The following NRXN1 variants were observed in gnomAD, a reference collection of about 807,000 sequenced individuals.
NRXN1 encodes the protein neurexin 1.
A neutral mutation model predicts 150.9 loss-of-function variants in NRXN1; 39 were observed. The observed-to-expected ratio is 0.26, with a 90% CI of 0.20 to 0.34. The LOEUF (loss-of-function observed/expected upper bound fraction) is 0.34, where lower values mean the gene tolerates loss of function less well. Among genes scored for constraint, NRXN1 ranks in the 10% least tolerant of loss-of-function variants. The pLI is 1.00. For missense variants in NRXN1, 1,815 were observed against 1,949.9 expected, an observed-to-expected ratio of 0.93 and a Z score of 1.30; for synonymous variants, 924 against 757.0, an observed-to-expected ratio of 1.22 and a Z score of -3.62.
intron 21 of NRXN1, among the ~76,000 whole-genome samples, chr2:50,008,623 G>A (rs951267982): frequency 6.6e-6 from 1 of 151,906 alleles, no homozygotes; most frequent in Non-Finnish European, 1.5e-5. Flanking sequence ...TGAACACTAT[G>A]TAAGATATGC....
intron 5 of NRXN1, among the ~76,000 whole-genome samples, chr2:50,745,765 A>G (rs1279682832): frequency 6.6e-6 from 1 of 152,110 alleles, no homozygotes; most frequent in Non-Finnish European, 1.5e-5. Flanking sequence ...TTGTAAAATC[A>G]TCAGATCTCA....
At chr2:50,578,934 C>A (rs1467687595) in intron 8 of NRXN1, among the ~76,000 whole-genome samples, 3 of 152,092 alleles carry the variant, frequency 2.0e-5, no homozygotes, top group Non-Finnish European at 2.9e-5. Context: ...ACACTGAGGG[C>A]ATCTGGGGTT....
chr2:50,343,895 A>G (rs1462306949), intron 17 of NRXN1, among the ~76,000 whole-genome samples: 2 of 152,262 alleles, frequency 1.3e-5, no homozygotes, highest in East Asian at 3.8e-4. Flanking sequence ...TAATACAACC[A>G]AACAGCCTAG....
At chr2:50,788,589 G>A (rs538451335) in intron 5 of NRXN1, among the ~76,000 whole-genome samples, 17 of 152,048 alleles carry the variant, frequency 1.1e-4, no homozygotes, top group South Asian at 8.3e-4. Flanking sequence ...GTGCATGTGC[G>A]TGTGAGAGAG....
intron 18 of NRXN1, among the ~76,000 whole-genome samples, chr2:50,143,136 G>A (rs541805086): frequency 6.6e-6 from 1 of 151,666 alleles, no homozygotes; most frequent in Admixed American, 6.6e-5. Context: ...AGAAGGAAAG[G>A]AGAGGAAGAG....
At chr2:50,582,805 T>TGGTTTCAGTTG (rs1301845822) in intron 8 of NRXN1, among the ~76,000 whole-genome samples, 1 of 152,288 alleles carries the variant, frequency 6.6e-6, no homozygotes, top group African/African-American at 2.4e-5. Flanking sequence ...CTGAACCATA[T>TGGTTTCAGTTG]GGTTTCAGTT....
intron 5 of NRXN1, among the ~76,000 whole-genome samples, chr2:50,900,266 C>T (rs1170413156): frequency 6.6e-6 from 1 of 152,072 alleles, no homozygotes; most frequent in Non-Finnish European, 1.5e-5. Flanking sequence ...ATAATAGATC[C>T]CAATCCTTTA....
intron 8 of NRXN1, among the ~76,000 whole-genome samples, chr2:50,576,814 A>T (rs1225548869): frequency 6.6e-6 from 1 of 151,980 alleles, no homozygotes; most frequent in East Asian, 1.9e-4. Context: ...CCTCCCTTTT[A>T]ACTTTCTCAT....
intron 21 of NRXN1, among the ~76,000 whole-genome samples, chr2:50,030,996 G>C (rs906451843): frequency 6.6e-6 from 1 of 151,928 alleles, no homozygotes; most frequent in African/African-American, 2.4e-5. Context: ...TGGGGAGAGA[G>C]GGGGACAAAA....
Position 49,919,078 on chromosome 2 carries a change from A to G in NRXN1, c.*2866T>C, listed in dbSNP as rs1667769190. On this transcript the variant is annotated 3_prime_UTR_variant, in exon 23 of 23. Transcript: ENST00000401669. ...TGACCACTTCACACGTTATTGTAGTATTTGTTCTTTTAAAAAAGGCAACAC... is the reference window on the plus strand; with the variant it reads ...TGACCACTTCACACGTTATTGTAGTGTTTGTTCTTTTAAAAAAGGCAACAC... The G allele has an allele frequency of 6.6e-6, 1 of 152,130 alleles. No homozygotes were observed. Among genetic ancestry groups the G allele is most frequent in the African/African-American group, 2.4e-5 (1 of 41,456 alleles). The allele number at this position is 152,130 out of a possible 1,614,324, so 9.4% of individuals were successfully genotyped here.
At position 50,464,278 on chromosome 2, in the gene NRXN1, G is replaced by C. The variant is rs193060117; in HGVS notation, c.3364+1164C>G. On this transcript the variant is annotated intron_variant, in intron 17 of 22. Transcript: ENST00000401669. Reference sequence around the variant, plus strand: ...TTTCTCCATCTACAGTGGCATGGTTGTTAAAGGCCTCTTCCACATATGTTT... The same window carrying C: ...TTTCTCCATCTACAGTGGCATGGTTCTTAAAGGCCTCTTCCACATATGTTT... Among the ~76,000 whole-genome samples the C allele has an allele frequency of 1.5e-3, 228 of 151,802 alleles. 1 individual carries two copies. The highest frequency in any genetic ancestry group is 5.4e-3 in the African/African-American group (223 of 41,406).
intron 17 of NRXN1, among the ~76,000 whole-genome samples, chr2:50,305,943 A>G (rs1198984127): frequency 6.6e-6 from 1 of 151,854 alleles, no homozygotes; most frequent in East Asian, 1.9e-4. Flanking sequence ...GCCCTACCTT[A>G]TTTTTTCTTG....
chr2:49,950,832 A>C (rs1262777203), intron 21 of NRXN1, among the ~76,000 whole-genome samples: 1 of 151,944 alleles, frequency 6.6e-6, no homozygotes, highest in Non-Finnish European at 1.5e-5. Context: ...GGCTTTCATG[A>C]ATATGTAGGG....
At chr2:50,300,446 G>A (rs142273921) in intron 17 of NRXN1, among the ~76,000 whole-genome samples, 3 of 152,290 alleles carry the variant, frequency 2.0e-5, no homozygotes, top group African/African-American at 7.2e-5. Flanking sequence ...CTCCAGGAGG[G>A]TTTATCTGTG....
intron 18 of NRXN1, among the ~76,000 whole-genome samples, chr2:50,229,321 A>AT (rs202053327): frequency 8.5e-4 from 104 of 122,186 alleles, no homozygotes; most frequent in East Asian, 5.4e-3. Context: ...CTTTCAGCGC[A>AT]TTTTTTTTTG....
chr2:50,462,679 A>T (rs1455079282), intron 17 of NRXN1, among the ~76,000 whole-genome samples: 1 of 151,934 alleles, frequency 6.6e-6, no homozygotes, highest in East Asian at 1.9e-4. Context: ...GGGTTTAACA[A>T]ACATTTCATT....
intron 18 of NRXN1, chr2:50,207,736 GTTC>G (rs1368267999): frequency 6.0e-6 from 1 of 167,782 alleles, no homozygotes; most frequent in Non-Finnish European, 1.5e-5. Context: ...ATCGGCTTTA[GTTC>G]TTCTAATAAT....
chr2:50,736,689 C>T (rs893009211), intron 5 of NRXN1, among the ~76,000 whole-genome samples: 1 of 152,088 alleles, frequency 6.6e-6, no homozygotes, highest in African/African-American at 2.4e-5. Flanking sequence ...TAAGACATGC[C>T]TTTCGCCTTC....
At chr2:50,852,527 G>T (rs1340256974) in intron 5 of NRXN1, among the ~76,000 whole-genome samples, 1 of 152,138 alleles carries the variant, frequency 6.6e-6, no homozygotes. Context: ...AAAGAGTCAG[G>T]TTCTGGTACA....
Sources: gnomAD v4.1 joint callset for allele counts (sites outside exome capture counted in the v4.1 genomes callset) on GRCh38, gnomAD v4.1.1 for gene constraint, MANE v1.5 for transcripts, NCBI Gene and HGNC (gene_info 2026-07-23, HGNC 2026-07-21) for gene names.